Variants in NR1I2 observed in about 807,000 individuals in gnomAD.
The protein encoded by NR1I2 is nuclear receptor subfamily 1 group I member 2, also known as orphan nuclear receptor PAR1.
NR1I2 carries 42 observed loss-of-function variants against 43.3 expected under a neutral mutation model. The observed-to-expected ratio is 0.97, with a 90% confidence interval of 0.76 to 1.26. NR1I2 has a LOEUF of 1.26. Among genes scored for constraint, NR1I2 ranks in the 50% most tolerant of loss-of-function variants. The pLI is 0.00. For synonymous variants in NR1I2, 229 were observed against 215.0 expected, an observed-to-expected ratio of 1.06 and a Z score of -0.57; for missense variants, 559 against 566.7, an observed-to-expected ratio of 0.99 and a Z score of 0.14.
intron 6 of NR1I2, 27 bp from the exon 7 acceptor site, chr3:119,815,296 G>T (rs2055307532): frequency 6.3e-7 from 1 of 1,595,030 alleles, no homozygotes; most frequent in African/African-American, 1.3e-5. Flanking sequence ...CTGAGAAGCT[G>T]CCCCTCCATC....
In NR1I2 at chr3:119,812,164, TG is replaced by T. The variant is rs1218971887; in HGVS notation, c.519+443del. On this transcript the variant is annotated intron_variant, in intron 4 of 8. Transcript: ENST00000393716. Reference sequence around the variant, plus strand: ...TTATGAGGACAGGATCAGGACCTGTTGGGGGTGTGACTTTTGTGAACTGGTG... The same window carrying T: ...TTATGAGGACAGGATCAGGACCTGTTGGGGTGTGACTTTTGTGAACTGGTG... 6.6e-5 allele frequency among the ~76,000 whole-genome samples: 10 copies of T among 152,138 alleles called. No individual in the cohort carries two copies. In the South Asian group the frequency reaches 8.3e-4, roughly 13 times the overall value.
rs767109729 is a variant in NR1I2 at position 119,810,212 on chromosome 3, G to A, written c.331+18G>A. On this transcript the variant is annotated intron_variant, in intron 3 of 8. Coordinates refer to ENST00000393716, the MANE Select transcript of NR1I2 (RefSeq NM_003889.4). ...GAAGGAGAGTGAGCAGTGGGCGCGC[G>A]GGCGGGCCGGCGCCGGGGTGCACGG... The A allele has an allele frequency of 1.3e-6, 2 of 1,581,040 alleles. No homozygotes were observed. The highest frequency in any genetic ancestry group is 2.3e-5 in the South Asian group (2 of 87,788).
Position 119,817,226 on chromosome 3 carries a change from G to A in NR1I2, c.*14G>A, listed in dbSNP as rs2055343415. On this transcript the variant is annotated 3_prime_UTR_variant, in exon 9 of 9. Coordinates refer to ENST00000393716, the MANE Select transcript of NR1I2 (RefSeq NM_003889.4). ...ACAGGTAGCTGAGCGGCTGCCCTTG[G>A]GTGACACCTCCGAGAGGCAGCCAGA... 2 of 1,613,246 alleles carry A rather than the reference G, an allele frequency of 1.2e-6. No homozygotes were observed. Among genetic ancestry groups the A allele is most frequent in the Admixed American group, 1.7e-5 (1 of 60,008 alleles).
At chr3:119,806,489 T>C (rs1181558044) in intron 1 of NR1I2, among the ~76,000 whole-genome samples, 1 of 152,138 alleles carries the variant, frequency 6.6e-6, no homozygotes. Flanking sequence ...TCTCACTTTG[T>C]TGCCCAGGCT....
intron 1 of NR1I2, among the ~76,000 whole-genome samples, chr3:119,798,176 C>T (rs1006969525): frequency 2.0e-5 from 3 of 152,104 alleles, no homozygotes; most frequent in African/African-American, 4.8e-5. Context: ...CACTGAGTCT[C>T]GTGTGTCTCT....
chr3:119,802,785 T>A (rs1045768113), intron 1 of NR1I2: 1 of 423,840 alleles, frequency 2.4e-6, no homozygotes, highest in Admixed American at 2.5e-5. Context: ...GACTTCCAAG[T>A]TATTTGGAAT....
At chr3:119,787,619 T>G (rs2054858756) in intron 1 of NR1I2, among the ~76,000 whole-genome samples, 1 of 151,584 alleles carries the variant, frequency 6.6e-6, no homozygotes, top group South Asian at 2.1e-4. Context: ...CCTTACTTGC[T>G]TTTTTCTCTT....
At chr3:119,787,769 GTA>G (rs571863520) in intron 1 of NR1I2, among the ~76,000 whole-genome samples, 1 of 150,974 alleles carries the variant, frequency 6.6e-6, no homozygotes, top group African/African-American at 2.4e-5. Context: ...ATGCGTGTGT[GTA>G]TATATATGTG....
chr3:119,810,391 G>C (rs1196205400), intron 3 of NR1I2, 197 bp downstream of exon 3: 4 of 738,834 alleles, frequency 5.4e-6, no homozygotes, highest in Non-Finnish European at 8.7e-6. Context: ...GGGAGATGGA[G>C]GGAGTCGGTA....
chr3:119,805,714 C>A (rs527947581), intron 1 of NR1I2, among the ~76,000 whole-genome samples: 1,296 of 63,992 alleles, frequency 0.02, 108 homozygotes, highest in African/African-American at 0.046. Flanking sequence ...CCCTCCCCCC[C>A]ACCAAAAAAA....
intron 1 of NR1I2, among the ~76,000 whole-genome samples, chr3:119,790,431 G>C (rs2054903246): frequency 6.6e-6 from 1 of 152,078 alleles, no homozygotes; most frequent in South Asian, 2.1e-4. Context: ...ATCCAGAAAT[G>C]GTTGCTGAAT....
intron 1 of NR1I2, chr3:119,802,986 G>A (rs1577278186): frequency 8.8e-6 from 4 of 456,508 alleles, no homozygotes; most frequent in African/African-American, 4.0e-5. Context: ...ACTTTGGGGG[G>A]TGATTGGGTC....
At chr3:119,794,549 T>G (rs2054968438) in intron 1 of NR1I2, among the ~76,000 whole-genome samples, 1 of 150,296 alleles carries the variant, frequency 6.7e-6, no homozygotes, top group Admixed American at 6.7e-5. Context: ...GCTGGTCTCA[T>G]ACTCCTCACA....
intron 1 of NR1I2, among the ~76,000 whole-genome samples, chr3:119,804,605 C>T (rs879457402): frequency 3.3e-5 from 5 of 151,750 alleles, no homozygotes; most frequent in Non-Finnish European, 5.9e-5. Flanking sequence ...CCACCACTTC[C>T]GGCTAACTTT....
At chr3:119,785,349 C>T (rs1182657345) in intron 1 of NR1I2, among the ~76,000 whole-genome samples, 1 of 152,222 alleles carries the variant, frequency 6.6e-6, no homozygotes, top group African/African-American at 2.4e-5. Flanking sequence ...TGCCAGGAAC[C>T]TGAGGACAGA....
chr3:119,795,121 G>C (rs2054979478), intron 1 of NR1I2, among the ~76,000 whole-genome samples: 1 of 152,164 alleles, frequency 6.6e-6, no homozygotes, highest in Non-Finnish European at 1.5e-5. Flanking sequence ...CTCTTGGCTG[G>C]GGTTGGTCAG....
intron 1 of NR1I2, among the ~76,000 whole-genome samples, chr3:119,788,198 C>T (rs1488221392): frequency 3.3e-5 from 5 of 152,106 alleles, no homozygotes; most frequent in African/African-American, 9.7e-5. Flanking sequence ...ACTGCAGTCT[C>T]GAACTCCTGG....
intron 1 of NR1I2, among the ~76,000 whole-genome samples, chr3:119,804,977 A>G (rs2055131810): frequency 6.6e-6 from 1 of 152,126 alleles, no homozygotes; most frequent in South Asian, 2.1e-4. Flanking sequence ...CCCTTCAACA[A>G]TACAGAACCT....
intron 5 of NR1I2, among the ~76,000 whole-genome samples, chr3:119,814,208 C>G (rs1239049978): frequency 6.6e-6 from 1 of 152,192 alleles, no homozygotes; most frequent in Non-Finnish European, 1.5e-5. Context: ...CAGCCTCCCT[C>G]TCAGGCTGTG....
Sources: allele counts gnomAD v4.1 joint callset (sites outside exome capture counted in the v4.1 genomes callset), GRCh38; gene constraint gnomAD v4.1.1; transcripts MANE v1.5; gene names NCBI Gene and HGNC (gene_info 2026-07-23, HGNC 2026-07-21).